LINGO2: variants seen among roughly 807,000 people sequenced by gnomAD.
The protein encoded by LINGO2 is leucine rich repeat and Ig domain containing 2.
Under a neutral mutation model 30.6 loss-of-function variants are expected in LINGO2, and 14 were observed. The observed-to-expected ratio is 0.46, with a 90% CI of 0.30 to 0.72. The LOEUF (loss-of-function observed/expected upper bound fraction) is 0.72. Ranked by LOEUF, LINGO2 falls within the 30% of genes least tolerant of loss-of-function variation. The probability of loss-of-function intolerance (pLI) is 0.07; values close to 1 mark genes in which losing one functional copy is unlikely to be tolerated. For missense variants in LINGO2, 729 were observed against 751.7 expected, an observed-to-expected ratio of 0.97 and a Z score of 0.35; for synonymous variants, 317 against 288.5, an observed-to-expected ratio of 1.10 and a Z score of -1.00.
chr9:28,056,366 G>T (rs1402441720), intron 4 of LINGO2, among the ~76,000 whole-genome samples: 1 of 152,096 alleles, frequency 6.6e-6, no homozygotes, highest in Non-Finnish European at 1.5e-5. Context: ...GCCTCCAGTG[G>T]TATATTCAGT....
the LINGO2 span, among the ~76,000 whole-genome samples, chr9:28,924,396 T>G: frequency 2.0e-5 from 3 of 152,072 alleles, no homozygotes; most frequent in Admixed American, 6.5e-5. Context: ...AATTTTTGTA[T>G]TTTTTGTAGA....
chr9:28,088,632 C>G (rs1025191445), intron 4 of LINGO2, among the ~76,000 whole-genome samples: 1 of 151,642 alleles, frequency 6.6e-6, no homozygotes, highest in Non-Finnish European at 1.5e-5. Context: ...GGATTAAGAC[C>G]AAGCATGAAG....
rs931452080 is a variant in LINGO2, at chr9:28,311,145, G to GC, written c.-245-15780dup. Among the ~76,000 whole-genome samples, 31 of 152,000 alleles carry GC rather than the reference G, an allele frequency of 2.0e-4. 1 individual carries two copies. Among genetic ancestry groups the GC allele is most frequent in the African/African-American group, 7.2e-4 (30 of 41,504 alleles). On this transcript the variant is annotated intron_variant, in intron 3 of 5. Transcript: ENST00000379992. ...ATCACATGTCAGCAGGTTCTGTGATGCCCCCCGAGCCATAAAACCAGCAAG... is the reference window on the plus strand; with the variant it reads ...ATCACATGTCAGCAGGTTCTGTGATGCCCCCCCGAGCCATAAAACCAGCAAG...
At chr9:28,695,421 T>C in the LINGO2 span, among the ~76,000 whole-genome samples, 1 of 151,990 alleles carries the variant, frequency 6.6e-6, no homozygotes, top group Non-Finnish European at 1.5e-5. Context: ...AGTCTTTTTA[T>C]AGGACAATTT....
At chr9:28,588,909 G>A (rs866431732) in intron 1 of LINGO2, among the ~76,000 whole-genome samples, 39 of 152,018 alleles carry the variant, frequency 2.6e-4, no homozygotes, top group African/African-American at 9.2e-4. Context: ...GTGCACTGCT[G>A]TGCAAGCTTA....
At chr9:28,153,560 C>T (rs990926425) in intron 4 of LINGO2, among the ~76,000 whole-genome samples, 2 of 152,140 alleles carry the variant, frequency 1.3e-5, no homozygotes, top group African/African-American at 4.8e-5. Context: ...AACCCAAAAT[C>T]ACATATTTAT....
intron 2 of LINGO2, among the ~76,000 whole-genome samples, chr9:28,373,862 T>C (rs1410413682): frequency 1.4e-5 from 2 of 146,536 alleles, no homozygotes; most frequent in Non-Finnish European, 3.0e-5. Context: ...ATCAGGCCAC[T>C]GCACTCCAGC....
rs117870746 is a variant in LINGO2 at position 28,613,097 on chromosome 9, G to A, written c.-365+57103C>T. Among the ~76,000 whole-genome samples, 17 of 151,980 alleles carry A rather than the reference G, an allele frequency of 1.1e-4. No homozygotes were observed. In the East Asian group the frequency reaches 1.9e-3, roughly 17 times the overall value. On this transcript the variant is annotated intron_variant, in intron 1 of 5. Transcript: ENST00000379992. The stretch of plus-strand genomic sequence containing the variant: ...GAATAAGGTATCTTGCTTCTCCTTC[G>A]CTCTCTGCTATGATGATAAGTTTCC...
chr9:28,377,715 A>G (rs951429951), intron 2 of LINGO2, among the ~76,000 whole-genome samples: 3 of 152,180 alleles, frequency 2.0e-5, no homozygotes, highest in African/African-American at 7.2e-5. Flanking sequence ...ACAATATGAT[A>G]CTTTTAATAA....
the LINGO2 span, among the ~76,000 whole-genome samples, chr9:29,085,142 T>G: frequency 1.3e-5 from 2 of 151,910 alleles, no homozygotes; most frequent in Non-Finnish European, 2.9e-5. Context: ...TTTATCATTA[T>G]CATAGCTGCA....
chr9:28,416,804 A>C (rs1428648155), intron 2 of LINGO2, among the ~76,000 whole-genome samples: 1 of 152,192 alleles, frequency 6.6e-6, no homozygotes, highest in Non-Finnish European at 1.5e-5. Context: ...TTAAGCTGTT[A>C]ATGTTAAGAT....
At chr9:28,626,669 C>T (rs960987471) in intron 1 of LINGO2, among the ~76,000 whole-genome samples, 2 of 152,032 alleles carry the variant, frequency 1.3e-5, no homozygotes, top group African/African-American at 4.8e-5. Context: ...GTCATGCCAA[C>T]ACCACACTAT....
chr9:27,957,964 G>A (rs867580030), intron 5 of LINGO2, among the ~76,000 whole-genome samples: 3 of 151,716 alleles, frequency 2.0e-5, no homozygotes, highest in African/African-American at 4.8e-5. Context: ...TTTGTCTTTC[G>A]CATTTGTTAG....
intron 1 of LINGO2, among the ~76,000 whole-genome samples, chr9:28,639,788 T>C (rs1306434318): frequency 6.6e-6 from 1 of 152,214 alleles, no homozygotes; most frequent in African/African-American, 2.4e-5. Context: ...TGCCAGTCTG[T>C]GTCTTTTAAT....
At chr9:28,392,096 G>C (rs527714285) in intron 2 of LINGO2, among the ~76,000 whole-genome samples, 1 of 152,240 alleles carries the variant, frequency 6.6e-6, no homozygotes, top group African/African-American at 2.4e-5. Context: ...CCGGTTACTC[G>C]GGAGGCTGAG....
At chr9:28,258,248 C>T (rs1264298743) in intron 4 of LINGO2, among the ~76,000 whole-genome samples, 1 of 151,672 alleles carries the variant, frequency 6.6e-6, no homozygotes, top group Non-Finnish European at 1.5e-5. Flanking sequence ...AGTAAAAATG[C>T]TTCCTGAAAA....
the LINGO2 span, among the ~76,000 whole-genome samples, chr9:28,896,307 G>A: frequency 6.6e-6 from 1 of 152,210 alleles, no homozygotes; most frequent in Non-Finnish European, 1.5e-5. Flanking sequence ...TTCAATTTGA[G>A]TTATTTGGTA....
intron 1 of LINGO2, among the ~76,000 whole-genome samples, chr9:28,537,586 G>A (rs1821491178): frequency 1.3e-5 from 2 of 151,846 alleles, no homozygotes; most frequent in South Asian, 4.2e-4. Context: ...AATTTAAAAG[G>A]AAGGCCAATT....
At chr9:28,842,235 C>T in the LINGO2 span, among the ~76,000 whole-genome samples, 8 of 151,964 alleles carry the variant, frequency 5.3e-5, no homozygotes, top group South Asian at 4.1e-4. Flanking sequence ...AATGGCTCCA[C>T]ATTTTGAATG....
Sources: gnomAD v4.1 joint callset for allele counts (sites outside exome capture counted in the v4.1 genomes callset) on GRCh38, gnomAD v4.1.1 for gene constraint, MANE v1.5 for transcripts, NCBI Gene and HGNC (gene_info 2026-07-23, HGNC 2026-07-21) for gene names.